Variants in AK4 observed in about 807,000 individuals in gnomAD.
AK4 encodes the protein adenylate kinase 4, mitochondrial.
AK4 carries 13 observed loss-of-function variants against 24.6 expected under a neutral mutation model. The ratio of observed to expected loss-of-function variants is 0.53; its 90% CI spans 0.34 to 0.84. The LOEUF (loss-of-function observed/expected upper bound fraction) is 0.84, where lower values mean the gene tolerates loss of function less well. Among genes scored for constraint, AK4 ranks in the 40% least tolerant of loss-of-function variants. The probability of loss-of-function intolerance (pLI) is 0.01; values close to 1 mark genes in which losing one functional copy is unlikely to be tolerated. For synonymous variants in AK4, 88 were observed against 107.0 expected, an observed-to-expected ratio of 0.82 and a Z score of 1.10; for missense variants, 192 against 288.2, an observed-to-expected ratio of 0.67 and a Z score of 2.42.
chr1:65,206,083 G>A (rs1027413916), intron 2 of AK4, among the ~76,000 whole-genome samples: 5 of 152,030 alleles, frequency 3.3e-5, no homozygotes, highest in African/African-American at 1.2e-4. Flanking sequence ...GTCTACCTAC[G>A]TCACTCTCCT....
At chr1:65,193,685 C>T (rs1052297392) in intron 2 of AK4, among the ~76,000 whole-genome samples, 3 of 152,228 alleles carry the variant, frequency 2.0e-5, no homozygotes, top group Admixed American at 6.5e-5. Context: ...GCCCCACGGT[C>T]GGCCCTGTGG....
At chr1:65,193,501 T>C (rs540033238) in intron 2 of AK4, among the ~76,000 whole-genome samples, 3 of 152,344 alleles carry the variant, frequency 2.0e-5, no homozygotes, top group Non-Finnish European at 4.4e-5. Context: ...TAATATTCCC[T>C]CTGGAACATG....
chr1:65,187,203 T>C lies in AK4; in HGVS notation c.146-3507T>C, dbSNP rs138433997. 9.7e-3 allele frequency among the ~76,000 whole-genome samples: 1,470 copies of C among 151,844 alleles called. 26 individuals are homozygous for C. The highest frequency in any genetic ancestry group is 0.034 in the African/African-American group (1,414 of 41,410). On this transcript the variant is annotated intron_variant, in intron 1 of 4. Transcript: ENST00000327299. ...TCTACTAAAAATACTAAAAATTAGCTGGGCATGGTGGCGGGCGCCTGTAGT... is the reference window on the plus strand; with the variant it reads ...TCTACTAAAAATACTAAAAATTAGCCGGGCATGGTGGCGGGCGCCTGTAGT...
chr1:65,190,469 G>T (rs1433213998), intron 1 of AK4, among the ~76,000 whole-genome samples: 3 of 150,248 alleles, frequency 2.0e-5, no homozygotes, highest in African/African-American at 7.3e-5. Context: ...GCGGGAGGAG[G>T]GGTGGTGCTA....
intron 2 of AK4, among the ~76,000 whole-genome samples, chr1:65,207,444 G>A (rs770424252): frequency 8.5e-5 from 13 of 152,136 alleles, no homozygotes; most frequent in Non-Finnish European, 1.6e-4. Flanking sequence ...AAGCTGCCAT[G>A]AGCAGGAAGT....
rs549402541 is a variant in AK4, at chr1:65,148,319, G to A, written c.-89G>A. 3.8e-5 allele frequency: 55 copies of A among 1,466,660 alleles called. No homozygotes were observed. The South Asian group carries it at 6.9e-4, about 18-fold the overall frequency. 90.9% of individuals were successfully genotyped at this position (1,466,660 alleles called of 1,614,324 possible). On this transcript the variant is annotated 5_prime_UTR_variant, in exon 1 of 5. Transcript: ENST00000327299. ...CCAGTGAGAGCGGAGGGTGCCAGAGGTAGGGGGCCGAGAAACAAAGTTCCC... is the reference window on the plus strand; with the variant it reads ...CCAGTGAGAGCGGAGGGTGCCAGAGATAGGGGGCCGAGAAACAAAGTTCCC...
At chr1:65,166,026 A>G (rs530979963) in intron 1 of AK4, 40 of 152,440 alleles carry the variant, frequency 2.6e-4, no homozygotes, top group African/African-American at 9.1e-4. Flanking sequence ...AGTGGTAGGC[A>G]CAGGGAGTTG....
intron 1 of AK4, among the ~76,000 whole-genome samples, chr1:65,161,256 GTTATT>G (rs1216659571): frequency 1.3e-5 from 2 of 152,140 alleles, no homozygotes; most frequent in Non-Finnish European, 2.9e-5. Flanking sequence ...TGAACTTGGT[GTTATT>G]TTATTATTCA....
chr1:65,195,495 G>A (rs1378813607), intron 2 of AK4, among the ~76,000 whole-genome samples: 2 of 152,078 alleles, frequency 1.3e-5, no homozygotes, highest in East Asian at 1.9e-4. Flanking sequence ...TAGTTTTAGG[G>A]AACTTAAAAA....
chr1:65,168,145 C>CTT (rs3051710), intron 1 of AK4, among the ~76,000 whole-genome samples: 11,769 of 125,138 alleles, frequency 0.094, 800 homozygotes, highest in Admixed American at 0.21. Context: ...TCTGCATATT[C>CTT]TTTTTTTTTT....
chr1:65,153,607 G>A (rs1649873581), intron 1 of AK4, among the ~76,000 whole-genome samples: 1 of 152,132 alleles, frequency 6.6e-6, no homozygotes, highest in African/African-American at 2.4e-5. Context: ...TCTGATCAAA[G>A]TCATGCCTTG....
intron 1 of AK4, among the ~76,000 whole-genome samples, chr1:65,160,118 C>T (rs1437458882): frequency 6.6e-6 from 1 of 152,128 alleles, no homozygotes; most frequent in African/African-American, 2.4e-5. Context: ...CCCATTATGT[C>T]GTGCTGACAT....
chr1:65,174,707 G>A (rs1650654126), intron 1 of AK4, among the ~76,000 whole-genome samples: 4 of 152,176 alleles, frequency 2.6e-5, no homozygotes, highest in Admixed American at 2.6e-4. Context: ...TGGACACAGG[G>A]TCTAGGGAGC....
chr1:65,172,658 A>C (rs1010688063), intron 1 of AK4, among the ~76,000 whole-genome samples: 1 of 152,152 alleles, frequency 6.6e-6, no homozygotes, highest in Non-Finnish European at 1.5e-5. Context: ...ATTGGAATAG[A>C]GACAACTGTG....
At chr1:65,169,223 T>G (rs1650433001) in intron 1 of AK4, among the ~76,000 whole-genome samples, 1 of 151,798 alleles carries the variant, frequency 6.6e-6, no homozygotes, top group African/African-American at 2.4e-5. Flanking sequence ...AAAACACACT[T>G]AGCCTAAATA....
chr1:65,167,975 CT>C (rs34786923), intron 1 of AK4, among the ~76,000 whole-genome samples: 2 of 152,062 alleles, frequency 1.3e-5, no homozygotes, highest in African/African-American at 2.4e-5. Context: ...CTTAAGTTGT[CT>C]TTTTTTCCCC....
At chr1:65,173,167 C>T (rs1261717025) in intron 1 of AK4, among the ~76,000 whole-genome samples, 1 of 152,050 alleles carries the variant, frequency 6.6e-6, no homozygotes, top group Admixed American at 6.6e-5. Flanking sequence ...CCCGGCCTAG[C>T]AAGAGATTTT....
chr1:65,200,829 G>A (rs1186835888), intron 2 of AK4, among the ~76,000 whole-genome samples: 2 of 149,768 alleles, frequency 1.3e-5, no homozygotes, highest in Non-Finnish European at 3.0e-5. Flanking sequence ...ACGGAGTCTC[G>A]CTCTGTCCCA....
chr1:65,224,718 T>C (rs745661693), intron 3 of AK4, 34 bp from the exon 4 acceptor site: 3 of 1,566,862 alleles, frequency 1.9e-6, no homozygotes, highest in Non-Finnish European at 2.6e-6. Context: ...GCCCAACTGT[T>C]GTCTATATTA....
Sources: gnomAD v4.1 joint callset for allele counts (sites outside exome capture counted in the v4.1 genomes callset) on GRCh38, gnomAD v4.1.1 for gene constraint, MANE v1.5 for transcripts, NCBI Gene and HGNC (gene_info 2026-07-23, HGNC 2026-07-21) for gene names.